The following C10orf90 variants were observed in gnomAD, a reference collection of about 807,000 sequenced individuals.
C10orf90 encodes the protein (E2-independent) E3 ubiquitin-conjugating enzyme FATS.
Under a neutral mutation model 62.5 loss-of-function variants are expected in C10orf90, and 56 were observed. The ratio of observed to expected loss-of-function variants is 0.90; its 90% confidence interval spans 0.72 to 1.12. The LOEUF is 1.12. Among genes scored for constraint, C10orf90 ranks in the 50% most tolerant of loss-of-function variants. C10orf90 has a pLI of 0.00. For synonymous variants in C10orf90, 386 were observed against 340.4 expected, an observed-to-expected ratio of 1.13 and a Z score of -1.47; for missense variants, 970 against 880.4, an observed-to-expected ratio of 1.10 and a Z score of -1.29.
Position 126,486,999 on chromosome 10 carries a change from G to T in C10orf90, c.1534+16958C>A, listed in dbSNP as rs148725011. ...CTCTACTAAAAATACAAAAAAAGTA[G>T]CTGGGTGTGGTGGCAGGTGCCTGTA... On this transcript the variant is annotated intron_variant, in intron 4 of 9. Coordinates refer to ENST00000488181, the MANE Select transcript of C10orf90 (RefSeq NM_001350921.2). 3.4e-3 allele frequency among the ~76,000 whole-genome samples: 511 copies of T among 151,866 alleles called. 6 individuals carry two copies. In the East Asian group the frequency reaches 0.048, roughly 14 times the overall value.
chr10:126,525,781 G>A (rs1863923084), intron 2 of C10orf90, among the ~76,000 whole-genome samples: 1 of 151,238 alleles, frequency 6.6e-6, no homozygotes, highest in African/African-American at 2.5e-5. Context: ...TATCAGCAAA[G>A]CCAGACAATT....
chr10:126,571,136 G>A (rs572159197), intron 2 of C10orf90, among the ~76,000 whole-genome samples: 10 of 152,224 alleles, frequency 6.6e-5, no homozygotes, highest in East Asian at 1.9e-4. Flanking sequence ...AAACGTAAAC[G>A]CAGTGAGAAG....
chr10:126,525,221 T>C (rs750975675), intron 2 of C10orf90, among the ~76,000 whole-genome samples: 26 of 152,118 alleles, frequency 1.7e-4, no homozygotes, highest in Admixed American at 3.3e-4. Flanking sequence ...AAATGGGACG[T>C]CCTTGAAACT....
At chr10:126,494,856 G>A (rs1861955530) in intron 4 of C10orf90, among the ~76,000 whole-genome samples, 1 of 152,214 alleles carries the variant, frequency 6.6e-6, no homozygotes, top group Non-Finnish European at 1.5e-5. Flanking sequence ...AAGTGACAAA[G>A]GTTGTGTTCC....
At chr10:126,471,002 G>T (rs1398092697) in intron 4 of C10orf90, among the ~76,000 whole-genome samples, 2 of 152,134 alleles carry the variant, frequency 1.3e-5, no homozygotes, top group Non-Finnish European at 2.9e-5. Context: ...ACTGATAATT[G>T]TTTCAGCACA....
intron 4 of C10orf90, among the ~76,000 whole-genome samples, chr10:126,480,277 C>T (rs1861101717): frequency 6.6e-6 from 1 of 152,166 alleles, no homozygotes; most frequent in Admixed American, 6.5e-5. Flanking sequence ...GCAAGTAACA[C>T]TGTGGGCCAA....
At chr10:126,580,104 C>T (rs1337426711) in intron 2 of C10orf90, among the ~76,000 whole-genome samples, 1 of 152,132 alleles carries the variant, frequency 6.6e-6, no homozygotes, top group Non-Finnish European at 1.5e-5. Flanking sequence ...GGAATTGCTC[C>T]ACTCTCTGGT....
intron 7 of C10orf90, among the ~76,000 whole-genome samples, chr10:126,451,960 C>T (rs1859231023): frequency 6.6e-6 from 1 of 151,998 alleles, no homozygotes; most frequent in Admixed American, 6.6e-5. Context: ...TCAAAGGGTA[C>T]AAAGTTTTAG....
intron 2 of C10orf90, among the ~76,000 whole-genome samples, chr10:126,587,429 G>A (rs1366523429): frequency 3.3e-5 from 5 of 152,168 alleles, no homozygotes; most frequent in South Asian, 2.1e-4. Context: ...CCCTCTTCCT[G>A]ACTTGCCAAT....
intron 2 of C10orf90, among the ~76,000 whole-genome samples, chr10:126,597,970 T>C (rs932696248): frequency 3.9e-5 from 6 of 152,196 alleles, no homozygotes; most frequent in African/African-American, 1.4e-4. Flanking sequence ...CTACCAGCTA[T>C]GAATATACCT....
At chr10:126,462,977 G>T (rs1266913110) in intron 5 of C10orf90, among the ~76,000 whole-genome samples, 1 of 152,108 alleles carries the variant, frequency 6.6e-6, no homozygotes, top group East Asian at 1.9e-4. Flanking sequence ...CTGAGCATTT[G>T]CTCTGGTTCC....
At chr10:126,582,995 T>C (rs1844784512) in intron 2 of C10orf90, among the ~76,000 whole-genome samples, 3 of 152,192 alleles carry the variant, frequency 2.0e-5, no homozygotes, top group Non-Finnish European at 4.4e-5. Flanking sequence ...TTCTGGATAA[T>C]TCTTAGTTGT....
chr10:126,451,447 G>A (rs1859183015), intron 7 of C10orf90, among the ~76,000 whole-genome samples: 1 of 152,044 alleles, frequency 6.6e-6, no homozygotes, highest in Admixed American at 6.6e-5. Context: ...ACAGATTAAT[G>A]AATAGAGAAA....
chr10:126,452,357 C>T (rs1285777995), intron 7 of C10orf90, among the ~76,000 whole-genome samples: 2 of 151,970 alleles, frequency 1.3e-5, no homozygotes, highest in Admixed American at 1.3e-4. Context: ...GTAACTTCAC[C>T]GTTTGCTCCA....
chr10:126,573,926 CCAGTCCCCTGCTCTGGGGGACTTACTT>C (rs1164752986), intron 2 of C10orf90, among the ~76,000 whole-genome samples: 1 of 152,052 alleles, frequency 6.6e-6, no homozygotes, highest in East Asian at 1.9e-4. Flanking sequence ...GAAAATAGGC[CCAGTCCCCTGCTCTGGGGGACTTACTT>C]TTTAGTTTCA....
intron 7 of C10orf90, among the ~76,000 whole-genome samples, chr10:126,446,285 G>A (rs1179014866): frequency 6.6e-6 from 1 of 151,978 alleles, no homozygotes; most frequent in Non-Finnish European, 1.5e-5. Context: ...GGAACTCAAA[G>A]GTTTCTAATC....
intron 2 of C10orf90, among the ~76,000 whole-genome samples, chr10:126,605,318 A>G (rs1301479676): frequency 2.0e-5 from 3 of 150,870 alleles, no homozygotes; most frequent in East Asian, 3.9e-4. Context: ...CCCGACCCCA[A>G]TGCAAGCACA....
At chr10:126,602,798 A>G (rs1027433902) in intron 2 of C10orf90, among the ~76,000 whole-genome samples, 1 of 151,470 alleles carries the variant, frequency 6.6e-6, no homozygotes, top group African/African-American at 2.4e-5. Context: ...TCTGCATAAA[A>G]TAATGGAGAA....
chr10:126,460,483 C>A (rs947789438), intron 6 of C10orf90, among the ~76,000 whole-genome samples: 1 of 152,260 alleles, frequency 6.6e-6, no homozygotes, highest in Non-Finnish European at 1.5e-5. Flanking sequence ...GGCAGCTACA[C>A]TGGGGGAGAA....
Sources: allele counts gnomAD v4.1 joint callset (sites outside exome capture counted in the v4.1 genomes callset), GRCh38; gene constraint gnomAD v4.1.1; transcripts MANE v1.5; gene names NCBI Gene and HGNC (gene_info 2026-07-23, HGNC 2026-07-21).